The following TMEM117 variants were observed in gnomAD, a reference collection of about 807,000 sequenced individuals.
TMEM117 encodes the protein transmembrane protein 117.
TMEM117 carries 27 observed loss-of-function variants against 52.4 expected under a neutral mutation model. That is an observed-to-expected ratio of 0.51 (90% CI 0.38 to 0.71). TMEM117 has a LOEUF of 0.71. TMEM117 is among the 30% of genes least tolerant of loss of function. The pLI, the probability that TMEM117 is intolerant of heterozygous loss-of-function variation, is 0.00. For missense variants in TMEM117, 556 were observed against 630.5 expected, an observed-to-expected ratio of 0.88 and a Z score of 1.26; for synonymous variants, 215 against 206.3, an observed-to-expected ratio of 1.04 and a Z score of -0.36.
At chr12:44,367,932 A>G (rs1951811799) in intron 6 of TMEM117, among the ~76,000 whole-genome samples, 1 of 151,990 alleles carries the variant, frequency 6.6e-6, no homozygotes, top group African/African-American at 2.4e-5. Flanking sequence ...GTCATTTCAC[A>G]CCTAAACTAC....
intron 2 of TMEM117, among the ~76,000 whole-genome samples, chr12:43,890,118 C>A (rs1433907901): frequency 6.6e-6 from 1 of 152,010 alleles, no homozygotes; most frequent in Non-Finnish European, 1.5e-5. Flanking sequence ...GAAGTGCCAC[C>A]CAGTATTCAT....
intron 5 of TMEM117, among the ~76,000 whole-genome samples, chr12:44,280,012 C>T (rs1487496938): frequency 2.0e-5 from 3 of 152,172 alleles, no homozygotes; most frequent in Non-Finnish European, 2.9e-5. Flanking sequence ...CCTTACTAGT[C>T]TCAATCTGTC....
intron 5 of TMEM117, among the ~76,000 whole-genome samples, chr12:44,293,871 A>G (rs1950735555): frequency 6.6e-6 from 1 of 152,244 alleles, no homozygotes; most frequent in South Asian, 2.1e-4. Context: ...ACTTGACTAT[A>G]TTTTTAACTT....
the TMEM117 span, among the ~76,000 whole-genome samples, chr12:43,829,658 C>T: frequency 1.3e-5 from 2 of 152,206 alleles, no homozygotes; most frequent in Non-Finnish European, 2.9e-5. Context: ...GCTCAAAACT[C>T]CCCAAAGGCA....
chr12:44,316,140 G>A (rs1264152767), intron 6 of TMEM117, among the ~76,000 whole-genome samples: 8 of 152,106 alleles, frequency 5.3e-5, no homozygotes, highest in African/African-American at 1.9e-4. Context: ...TGTAGTTCCT[G>A]TTATATAATT....
intron 3 of TMEM117, among the ~76,000 whole-genome samples, chr12:44,059,668 G>A (rs1004093431): frequency 2.6e-5 from 4 of 152,182 alleles, no homozygotes; most frequent in Non-Finnish European, 5.9e-5. Flanking sequence ...GGCTTACATA[G>A]TGTATACAGC....
chr12:44,208,178 A>G (rs889141312), intron 4 of TMEM117, among the ~76,000 whole-genome samples: 7 of 152,142 alleles, frequency 4.6e-5, no homozygotes, highest in Non-Finnish European at 1.0e-4. Context: ...ACTGACTTTT[A>G]AACCTCAAAA....
intron 5 of TMEM117, among the ~76,000 whole-genome samples, chr12:44,269,057 C>T (rs963548506): frequency 2.6e-5 from 4 of 152,006 alleles, no homozygotes; most frequent in African/African-American, 9.7e-5. Flanking sequence ...TTTTTTCACT[C>T]AACATTACAT....
chr12:44,345,088 G>C (rs1198774026), intron 6 of TMEM117, among the ~76,000 whole-genome samples: 2 of 152,012 alleles, frequency 1.3e-5, no homozygotes, highest in Admixed American at 1.3e-4. Context: ...GGCTGGGTTG[G>C]ACTTGGGGGC....
chr12:43,851,837 G>T (rs12227646), intron 2 of TMEM117, among the ~76,000 whole-genome samples: 4 of 152,148 alleles, frequency 2.6e-5, no homozygotes, highest in Admixed American at 2.0e-4. Flanking sequence ...TTCAACAGAG[G>T]TCTTTTTCTT....
intron 2 of TMEM117, among the ~76,000 whole-genome samples, chr12:43,927,894 C>G (rs1052166519): frequency 1.3e-5 from 2 of 152,022 alleles, no homozygotes; most frequent in Admixed American, 6.6e-5. Context: ...CTGGCAAGAT[C>G]AATATATTGA....
intron 6 of TMEM117, among the ~76,000 whole-genome samples, chr12:44,374,595 G>A (rs1308989959): frequency 2.0e-5 from 3 of 151,306 alleles, no homozygotes; most frequent in Non-Finnish European, 4.4e-5. Context: ...AAGTACAGGT[G>A]GGAAATAATC....
intron 3 of TMEM117, among the ~76,000 whole-genome samples, chr12:44,094,543 T>A (rs1283788457): frequency 6.6e-6 from 1 of 152,130 alleles, no homozygotes; most frequent in East Asian, 1.9e-4. Flanking sequence ...AAATTACCTT[T>A]GACATCTCTA....
At chr12:43,872,825 A>G (rs73096996) in intron 2 of TMEM117, among the ~76,000 whole-genome samples, 5,575 of 152,314 alleles carry the variant, frequency 0.037, 123 homozygotes, top group Non-Finnish European at 0.041. Flanking sequence ...TAATAGCAAT[A>G]TGAAATTTCT....
intron 5 of TMEM117, among the ~76,000 whole-genome samples, chr12:44,282,803 A>G (rs1029108669): frequency 6.6e-6 from 1 of 152,212 alleles, no homozygotes; most frequent in Non-Finnish European, 1.5e-5. Flanking sequence ...CACGTGTAAA[A>G]TATCTCCAGG....
the TMEM117 span, among the ~76,000 whole-genome samples, chr12:43,825,694 T>A: frequency 6.6e-6 from 1 of 152,200 alleles, no homozygotes; most frequent in Admixed American, 6.5e-5. Context: ...CCTTTCTATG[T>A]GTTTCTCTGA....
At chr12:44,129,711 A>G (rs1185451568) in intron 3 of TMEM117, among the ~76,000 whole-genome samples, 2 of 152,212 alleles carry the variant, frequency 1.3e-5, no homozygotes, top group Non-Finnish European at 2.9e-5. Flanking sequence ...TCATTCAGCT[A>G]TACCATCACT....
chr12:44,195,044 C>A (rs1355998184), intron 4 of TMEM117, among the ~76,000 whole-genome samples: 1 of 152,218 alleles, frequency 6.6e-6, no homozygotes, highest in Non-Finnish European at 1.5e-5. Flanking sequence ...ATAAACTTAA[C>A]AGCATTAAAC....
At chr12:44,335,724 T>A (rs1463301173) in intron 6 of TMEM117, among the ~76,000 whole-genome samples, 4 of 152,068 alleles carry the variant, frequency 2.6e-5, no homozygotes, top group African/African-American at 9.7e-5. Flanking sequence ...TTGTTAAAAA[T>A]ATATACCTGT....
Sources: gnomAD v4.1 joint callset for allele counts (sites outside exome capture counted in the v4.1 genomes callset) on GRCh38, gnomAD v4.1.1 for gene constraint, MANE v1.5 for transcripts, NCBI Gene and HGNC (gene_info 2026-07-23, HGNC 2026-07-21) for gene names.